Variants in ENKUR observed in about 807,000 individuals in gnomAD.
ENKUR encodes enkurin.
ENKUR carries 19 observed loss-of-function variants against 27.6 expected under a neutral mutation model. The observed-to-expected ratio is 0.69, with a 90% CI of 0.48 to 1.01. The LOEUF is 1.01. Ranked by LOEUF, ENKUR falls within the 50% of genes least tolerant of loss-of-function variation. The pLI is 0.00. For missense variants in ENKUR, 312 were observed against 310.5 expected (o/e 1.00, Z -0.04); for synonymous variants, 117 against 96.9 (o/e 1.21, Z -1.22).
rs551356092 is a variant in ENKUR at position 24,988,336 on chromosome 10, GTA to G, written c.594+2125_594+2126del. On this transcript the variant is annotated intron_variant, in intron 4 of 5. Coordinates refer to ENST00000331161, the MANE Select transcript of ENKUR (RefSeq NM_145010.4). Reference sequence around the variant, plus strand: ...TGTGTGTATATATATTTATATATGTGTATATATATATTTATATATGTGTATAT... The same window carrying G: ...TGTGTGTATATATATTTATATATGTGTATATATATTTATATATGTGTATAT... Among the ~76,000 whole-genome samples the G allele has an allele frequency of 2.2e-3, 307 of 139,810 alleles. 3 individuals carry two copies. Among genetic ancestry groups the G allele is most frequent in the South Asian group, 7.0e-3 (31 of 4,452 alleles). 91.7% of individuals were successfully genotyped at this position (139,810 alleles called of 152,430 possible).
chr10:25,048,191 C>T (rs933170426), intron 2 of ENKUR, among the ~76,000 whole-genome samples: 5 of 151,956 alleles, frequency 3.3e-5, no homozygotes, highest in South Asian at 2.1e-4. Flanking sequence ...GGAAGTAAGC[C>T]AAGGAGTATT....
chr10:25,043,890 ATTC>A (rs1851092593), intron 2 of ENKUR, among the ~76,000 whole-genome samples: 1 of 128,512 alleles, frequency 7.8e-6, no homozygotes, highest in South Asian at 2.6e-4. Context: ...AATTTCAGAT[ATTC>A]TTTTTTTTTT....
At position 25,006,755 on chromosome 10, in the gene ENKUR, CAGTT is replaced by C. The variant is rs566810890; in HGVS notation, c.78-7213_78-7210del. 2.0e-5 allele frequency among the ~76,000 whole-genome samples: 3 copies of C among 152,260 alleles called. No homozygotes were observed. In the South Asian group the frequency reaches 6.2e-4, roughly 32 times the overall value. ...AGATGTTACTGAAGCAAAAAGGACTCAGTTTGTTTTACTGTCTCAGGCTAAAAGA... is the reference window on the plus strand; with the variant it reads ...AGATGTTACTGAAGCAAAAAGGACTCTGTTTTACTGTCTCAGGCTAAAAGA... On this transcript the variant is annotated intron_variant, in intron 1 of 5. Transcript: ENST00000331161.
chr10:25,019,882 C>T (rs1240617351), upstream of ENKUR, among the ~76,000 whole-genome samples: 1 of 151,954 alleles, frequency 6.6e-6, no homozygotes, highest in Non-Finnish European at 1.5e-5. Flanking sequence ...TTCCATTTCT[C>T]CGTGAATTAA....
intron 2 of ENKUR, chr10:25,061,091 A>G (rs959061456): frequency 1.3e-6 from 2 of 1,535,746 alleles, no homozygotes; most frequent in African/African-American, 2.7e-5. Flanking sequence ...AAACCTGTGA[A>G]CACAAGAATG....
intron 1 of ENKUR, among the ~76,000 whole-genome samples, chr10:25,004,813 T>C (rs932594258): frequency 6.6e-6 from 1 of 152,206 alleles, no homozygotes; most frequent in Non-Finnish European, 1.5e-5. Flanking sequence ...GCTTTTGGCA[T>C]CTTCATCATT....
At chr10:24,993,756 T>C (rs2132682202) in intron 3 of ENKUR, among the ~76,000 whole-genome samples, 1 of 152,334 alleles carries the variant, frequency 6.6e-6, no homozygotes. Flanking sequence ...TAAACTCTGG[T>C]ATTTTTCTGT....
intron 2 of ENKUR, among the ~76,000 whole-genome samples, chr10:25,057,590 T>C (rs1485482752): frequency 6.6e-6 from 1 of 152,176 alleles, no homozygotes; most frequent in Non-Finnish European, 1.5e-5. Flanking sequence ...GAAAAGTCAG[T>C]ATCAGGCTGC....
intron 4 of ENKUR, among the ~76,000 whole-genome samples, chr10:24,986,914 T>C (rs961749030): frequency 3.9e-5 from 6 of 152,228 alleles, no homozygotes; most frequent in Non-Finnish European, 8.8e-5. Context: ...ATTTTAAAGC[T>C]GAAATAATAT....
rs377659113 is a variant in ENKUR at position 24,996,689 on chromosome 10, A to C, written c.224-820T>G. Among the ~76,000 whole-genome samples, 17 of 152,256 alleles carry C rather than the reference A, an allele frequency of 1.1e-4. No individual in the cohort carries two copies. The East Asian group carries it at 1.2e-3, about 10-fold the overall frequency. On this transcript the variant is annotated intron_variant, in intron 2 of 5. Coordinates refer to ENST00000331161, the MANE Select transcript of ENKUR (RefSeq NM_145010.4). ...ACCCCATCACAATTACTAAGGACTGACTTTATTCATTTCTGCATCATTTGA... is the reference window on the plus strand; with the variant it reads ...ACCCCATCACAATTACTAAGGACTGCCTTTATTCATTTCTGCATCATTTGA...
At chr10:25,010,412 C>A (rs1850413500) in intron 1 of ENKUR, among the ~76,000 whole-genome samples, 1 of 151,944 alleles carries the variant, frequency 6.6e-6, no homozygotes, top group East Asian at 1.9e-4. Context: ...TATGTATTCA[C>A]AAAGATATGG....
At chr10:25,008,458 C>T (rs554991705) in intron 1 of ENKUR, among the ~76,000 whole-genome samples, 90 of 152,276 alleles carry the variant, frequency 5.9e-4, no homozygotes, top group African/African-American at 2.0e-3. Flanking sequence ...CATAACCATA[C>T]TTTAAACAAA....
intron 2 of ENKUR, among the ~76,000 whole-genome samples, chr10:25,052,694 G>C (rs572062359): frequency 5.9e-5 from 9 of 152,214 alleles, no homozygotes; most frequent in Admixed American, 5.9e-4. Flanking sequence ...ATTGCTTTGA[G>C]CTCAGGAGTT....
intron 2 of ENKUR, among the ~76,000 whole-genome samples, chr10:25,031,832 T>C (rs1850938803): frequency 6.6e-6 from 1 of 151,926 alleles, no homozygotes; most frequent in Admixed American, 6.6e-5. Flanking sequence ...TTTAAGGAAT[T>C]TTTAAAGCCT....
chr10:24,993,571 A>G (rs1849974673), intron 3 of ENKUR, among the ~76,000 whole-genome samples: 1 of 152,246 alleles, frequency 6.6e-6, no homozygotes, highest in South Asian at 2.1e-4. Flanking sequence ...CTCATTTTAT[A>G]AAAATATGAC....
intron 2 of ENKUR, among the ~76,000 whole-genome samples, chr10:25,051,339 C>T (rs558870611): frequency 1.3e-5 from 2 of 152,086 alleles, no homozygotes; most frequent in Non-Finnish European, 2.9e-5. Context: ...GTGTTGGGTC[C>T]CTATTAGGCT....
At chr10:25,060,751 A>G (rs1380007914) in intron 2 of ENKUR, among the ~76,000 whole-genome samples, 1 of 152,182 alleles carries the variant, frequency 6.6e-6, no homozygotes, top group African/African-American at 2.4e-5. Context: ...TCTGTTGCCC[A>G]GGCTTGACTG....
chr10:24,986,603 G>T (rs759090649), intron 4 of ENKUR, among the ~76,000 whole-genome samples: 4 of 152,168 alleles, frequency 2.6e-5, no homozygotes, highest in African/African-American at 7.2e-5. Flanking sequence ...GATATCAAAG[G>T]TTTTTCATAG....
chr10:25,049,189 T>G (rs1007089910), intron 2 of ENKUR, among the ~76,000 whole-genome samples: 1 of 152,118 alleles, frequency 6.6e-6, no homozygotes, highest in Non-Finnish European at 1.5e-5. Flanking sequence ...TTACTTAGAG[T>G]ACTTTGCACA....
Sources: allele counts gnomAD v4.1 joint callset (sites outside exome capture counted in the v4.1 genomes callset), GRCh38; gene constraint gnomAD v4.1.1; transcripts MANE v1.5; gene names NCBI Gene and HGNC (gene_info 2026-07-23, HGNC 2026-07-21).